The following ABCB1 variants were observed in gnomAD, a reference collection of about 807,000 sequenced individuals.
The protein encoded by ABCB1 is ATP binding cassette subfamily B member 1.
Under a neutral mutation model 142.0 loss-of-function variants are expected in ABCB1, and 69 were observed. The ratio of observed to expected loss-of-function variants is 0.49; its 90% CI spans 0.40 to 0.59. The LOEUF (loss-of-function observed/expected upper bound fraction) is 0.59, where lower values mean the gene tolerates loss of function less well. ABCB1 is among the 20% of genes least tolerant of loss of function. ABCB1 has a pLI of 0.00. For synonymous variants in ABCB1, 532 were observed against 539.2 expected, an observed-to-expected ratio of 0.99 and a Z score of 0.18; for missense variants, 1,326 against 1,554.7, an observed-to-expected ratio of 0.85 and a Z score of 2.47.
rs56107566 is a variant in ABCB1 at position 87,545,972 on chromosome 7, C to T, written c.1778G>A (p.Arg593His). 331 of 1,614,110 alleles carry T rather than the reference C, an allele frequency of 2.1e-4. No homozygotes were observed. Among genetic ancestry groups the T allele is most frequent in the Non-Finnish European group, 2.5e-4 (297 of 1,180,002 alleles). The stretch of plus-strand genomic sequence containing the variant: ...GAAACCAGCGATGACGTCAGCATTA[C>T]GAACTGTAGACAAACGATGAGCTAT... ...IVIAHRLSTV[R>H]NADVIAGFDD... Residue 593 changes from arginine to histidine, a missense_variant, in exon 15 of 28, where the codon CGT becomes CAT. By Grantham distance (29) the Arg-to-His change is conservative (BLOSUM62 0). Transcript: ENST00000622132.
At chr7:87,679,156 G>A (rs1456490754) in intron 1 of ABCB1, among the ~76,000 whole-genome samples, 4 of 136,772 alleles carry the variant, frequency 2.9e-5, no homozygotes, top group Non-Finnish European at 6.1e-5. Context: ...GCAGTGGCGC[G>A]ATCTTGGCTC....
At chr7:87,626,220 A>ATGTCATATATATGTGTCATATG (rs1563079964) in intron 1 of ABCB1, among the ~76,000 whole-genome samples, 1 of 97,738 alleles carries the variant, frequency 1.0e-5, no homozygotes, top group Non-Finnish European at 2.0e-5. Context: ...TGTGTCATAT[A>ATGTCATATATATGTGTCATATG]TATGTCATAT....
intron 21 of ABCB1, among the ~76,000 whole-genome samples, chr7:87,522,755 TTA>T (rs1491345332): frequency 6.6e-6 from 1 of 150,988 alleles, no homozygotes; most frequent in African/African-American, 2.5e-5. Context: ...GTCCTTTTTT[TTA>T]AAAAAAAAGT....
intron 1 of ABCB1, among the ~76,000 whole-genome samples, chr7:87,674,554 G>T (rs1335180721): frequency 6.6e-6 from 1 of 152,144 alleles, no homozygotes; most frequent in Non-Finnish European, 1.5e-5. Context: ...AAGCAGTGGG[G>T]AGTCAGGGCA....
At chr7:87,637,217 A>G (rs1821869013) in intron 1 of ABCB1, among the ~76,000 whole-genome samples, 1 of 152,170 alleles carries the variant, frequency 6.6e-6, no homozygotes, top group South Asian at 2.1e-4. Flanking sequence ...CTCATGCATC[A>G]CATTTATCTT....
intron 20 of ABCB1, among the ~76,000 whole-genome samples, chr7:87,535,512 T>G (rs1366110566): frequency 7.3e-6 from 1 of 136,522 alleles, no homozygotes; most frequent in Non-Finnish European, 1.5e-5. Flanking sequence ...CAACTTGATC[T>G]AAACCTTGTT....
intron 27 of ABCB1, 125 bp from the exon 28 acceptor site, chr7:87,504,574 C>T (rs1251265530): frequency 1.0e-5 from 13 of 1,263,256 alleles, no homozygotes; most frequent in Middle Eastern, 5.1e-4. Context: ...TTTGGGAGGC[C>T]AAGGCGGGCA....
At chr7:87,664,872 G>A (rs189832785) in intron 1 of ABCB1, among the ~76,000 whole-genome samples, 1 of 152,174 alleles carries the variant, frequency 6.6e-6, no homozygotes, top group East Asian at 1.9e-4. Flanking sequence ...GATTCAAGAA[G>A]CTTAGCAAAG....
intron 1 of ABCB1, among the ~76,000 whole-genome samples, chr7:87,613,866 A>G (rs1350200938): frequency 3.3e-5 from 5 of 152,220 alleles, no homozygotes; most frequent in Admixed American, 1.3e-4. Context: ...ATTATTTTTA[A>G]AATACTTCCC....
At chr7:87,536,330 C>T (rs367758638) in intron 20 of ABCB1, 128 bp downstream of exon 20, 13 of 808,100 alleles carry the variant, frequency 1.6e-5, no homozygotes, top group African/African-American at 3.4e-5. Flanking sequence ...GTGATATATT[C>T]GTAGGTTAGA....
At chr7:87,705,774 G>T (rs1040524266) in intron 1 of ABCB1, among the ~76,000 whole-genome samples, 2 of 151,994 alleles carry the variant, frequency 1.3e-5, no homozygotes, top group African/African-American at 4.8e-5. Context: ...TGGGTCATAT[G>T]CTCTTATAAA....
intron 21 of ABCB1, among the ~76,000 whole-genome samples, chr7:87,522,725 T>C (rs1254821017): frequency 6.6e-6 from 1 of 152,152 alleles, no homozygotes; most frequent in Non-Finnish European, 1.5e-5. Context: ...AATAGTCTGA[T>C]CATAATGCTG....
intron 3 of ABCB1, among the ~76,000 whole-genome samples, chr7:87,590,408 AT>A (rs1818951618): frequency 6.6e-6 from 1 of 152,254 alleles, no homozygotes; most frequent in South Asian, 2.1e-4. Flanking sequence ...TAAAAAAGAA[AT>A]CAGACAGTGA....
intron 1 of ABCB1, among the ~76,000 whole-genome samples, chr7:87,660,305 G>C (rs1563111297): frequency 6.6e-6 from 1 of 151,976 alleles, no homozygotes; most frequent in Non-Finnish European, 1.5e-5. Context: ...TATTCAGGTT[G>C]TTGATTTCTT....
chr7:87,700,457 G>A (rs1458585125), intron 1 of ABCB1: 2 of 1,612,596 alleles, frequency 1.2e-6, no homozygotes, highest in African/African-American at 2.7e-5. Context: ...AGTCCTCGTA[G>A]CTTCTGGGAC....
At position 87,503,816 on chromosome 7, in the gene ABCB1, A is replaced by G. The variant is rs1814592690; in HGVS notation, c.*427T>C. The G allele has an allele frequency of 4.4e-6, 1 of 228,038 alleles. No homozygotes were observed. The highest frequency in any genetic ancestry group is 2.3e-5 in the African/African-American group (1 of 43,034). 14.1% of individuals were successfully genotyped at this position (228,038 alleles called of 1,614,324 possible). On this transcript the variant is annotated 3_prime_UTR_variant, in exon 28 of 28. Coordinates refer to ENST00000622132, the MANE Select transcript of ABCB1 (RefSeq NM_001348946.2). ...AGCAGAAGTTATCTACAATATTCCA[A>G]TTGAGAGAAGATATATTCACAGGCA...
intron 1 of ABCB1, among the ~76,000 whole-genome samples, chr7:87,700,001 GT>G (rs575354446): frequency 3.1e-4 from 47 of 150,516 alleles, no homozygotes; most frequent in South Asian, 2.6e-3. Context: ...TGGTGGTGGG[GT>G]TTTTTTTTCT....
intron 1 of ABCB1, among the ~76,000 whole-genome samples, chr7:87,643,537 C>T (rs556649895): frequency 2.6e-5 from 4 of 151,846 alleles, no homozygotes; most frequent in Admixed American, 6.6e-5. Context: ...TGTGTGGGTG[C>T]GGGGCAGGGA....
intron 1 of ABCB1, among the ~76,000 whole-genome samples, chr7:87,684,869 C>T (rs1827305735): frequency 6.6e-6 from 1 of 151,216 alleles, no homozygotes; most frequent in South Asian, 2.1e-4. Flanking sequence ...AAGTGATAAC[C>T]TTTAAGAATA....
Sources: allele counts gnomAD v4.1 joint callset (sites outside exome capture counted in the v4.1 genomes callset), GRCh38; gene constraint gnomAD v4.1.1; transcripts MANE v1.5; gene names NCBI Gene and HGNC (gene_info 2026-07-23, HGNC 2026-07-21).